The following ASXL3 variants were observed in gnomAD, a reference collection of about 807,000 sequenced individuals.
ASXL3 encodes ASXL transcriptional regulator 3, also known as putative Polycomb group protein ASXL3.
Under a neutral mutation model 170.6 loss-of-function variants are expected in ASXL3, and 34 were observed. That is an observed-to-expected ratio of 0.20 (90% CI 0.15 to 0.27). The LOEUF (loss-of-function observed/expected upper bound fraction) is 0.27, where lower values mean the gene tolerates loss of function less well. Among genes scored for constraint, ASXL3 ranks in the 10% least tolerant of loss-of-function variants. ASXL3 has a pLI of 1.00. For missense variants in ASXL3, 2,592 were observed against 2,695.3 expected (o/e 0.96, Z 0.85); for synonymous variants, 1,002 against 989.1 (o/e 1.01, Z -0.24).
At chr18:33,656,639 C>T (rs550603482) in intron 4 of ASXL3, among the ~76,000 whole-genome samples, 3 of 152,026 alleles carry the variant, frequency 2.0e-5, no homozygotes, top group Admixed American at 6.6e-5. Context: ...TGACTTTACT[C>T]GTTAAATAAG....
chr18:33,678,084 A>T (rs1404177965), intron 7 of ASXL3, among the ~76,000 whole-genome samples: 4 of 140,024 alleles, frequency 2.9e-5, no homozygotes, highest in African/African-American at 1.2e-4. Context: ...TTTATTATTT[A>T]TTTATTTATT....
chr18:33,631,528 A>G (rs1250607150), intron 2 of ASXL3, among the ~76,000 whole-genome samples: 2 of 152,106 alleles, frequency 1.3e-5, no homozygotes, highest in African/African-American at 2.4e-5. Context: ...TGAATTAATA[A>G]TGCCACTCTA....
chr18:33,749,907 A>G lies in ASXL3; in HGVS notation c.*3312A>G, dbSNP rs2067857699. The G allele has an allele frequency of 1.3e-5, 2 of 152,268 alleles. No individual in the cohort carries two copies. 9.4% of individuals were successfully genotyped at this position (152,268 alleles called of 1,614,324 possible). On this transcript the variant is annotated 3_prime_UTR_variant, in exon 12 of 12. Transcript: ENST00000269197. ...TGGTACATATGGTGCTTTATAATGCAGTCGAGAGTAAGAATACATGTTGCT... is the reference window on the plus strand; with the variant it reads ...TGGTACATATGGTGCTTTATAATGCGGTCGAGAGTAAGAATACATGTTGCT...
chr18:33,743,325 T>A lies in ASXL3; in HGVS notation c.3477T>A (p.Ile1159=). The A allele has an allele frequency of 6.2e-7, 1 of 1,613,918 alleles. No individual in the cohort carries two copies. The highest frequency in any genetic ancestry group is 8.5e-7 in the Non-Finnish European group (1 of 1,179,874). Residue 1159 remains isoleucine (I), a synonymous_variant, in exon 12 of 12, where the codon ATT becomes ATA. Transcript: ENST00000269197. The part of the protein sequence containing the change: ...ETKMEGSTGV[I]IVNPNCRSPS... ...AAATGGAAGGTTCGACTGGTGTCAT[T>A]ATTGTCAATCCAAACTGTAGATCTC...
intron 5 of ASXL3, among the ~76,000 whole-genome samples, chr18:33,662,347 G>C (rs951815097): frequency 1.3e-5 from 2 of 152,094 alleles, no homozygotes; most frequent in Non-Finnish European, 2.9e-5. Flanking sequence ...TTGAATTCTT[G>C]CTACTCACCT....
chr18:33,644,869 AT>A, intron 2 of ASXL3, 24 bp from the exon 3 acceptor site: 1 of 1,475,936 alleles, frequency 6.8e-7, no homozygotes, highest in Admixed American at 2.0e-5. Flanking sequence ...AGACTGCTTC[AT>A]TTTTGCACAC....
chr18:33,669,244 T>A (rs920013515), intron 5 of ASXL3, among the ~76,000 whole-genome samples: 18 of 152,214 alleles, frequency 1.2e-4, no homozygotes, highest in Admixed American at 1.2e-3. Flanking sequence ...AAATATTTTA[T>A]AACACATATG....
chr18:33,675,915 T>C (rs1384799592), intron 7 of ASXL3, among the ~76,000 whole-genome samples: 1 of 151,630 alleles, frequency 6.6e-6, no homozygotes, highest in Non-Finnish European at 1.5e-5. Context: ...AATGTTAAGT[T>C]GAAAATAAAA....
chr18:33,745,911 G>A lies in ASXL3; in HGVS notation c.6063G>A (p.Pro2021=), dbSNP rs373180997. 36 of 1,585,582 alleles carry A rather than the reference G, an allele frequency of 2.3e-5. No homozygotes were observed. Among genetic ancestry groups the A allele is most frequent in the Middle Eastern group, 2.1e-4 (1 of 4,778 alleles). The change falls in exon 12 of 12, where the codon CCG becomes CCA. Residue 2021 remains proline (P), a synonymous_variant. Transcript: ENST00000269197. ...NKALVHPPPP[P]PPPPPPPLAL... ...CACTAGTACATCCGCCGCCGCCACC[G>A]CCTCCCCCTCCCCCTCCACCCTTGG... is the stretch of plus-strand genomic sequence containing the variant.
chr18:33,667,273 A>G (rs890432034), intron 5 of ASXL3, among the ~76,000 whole-genome samples: 1 of 152,132 alleles, frequency 6.6e-6, no homozygotes, highest in African/African-American at 2.4e-5. Context: ...GGGATCTCAG[A>G]AAAAAAGAAA....
Position 33,745,905 on chromosome 18 carries a change from G to A in ASXL3, c.6057G>A (p.Pro2019=), listed in dbSNP as rs375984092. Residue 2019 remains proline, a synonymous_variant, in exon 12 of 12, where the codon CCG becomes CCA. Coordinates refer to ENST00000269197, the MANE Select transcript of ASXL3 (RefSeq NM_030632.3). The part of the protein sequence containing the change: ...MPNKALVHPP[P]PPPPPPPPPL... Reference sequence around the variant, plus strand: ...ACAAAGCACTAGTACATCCGCCGCCGCCACCGCCTCCCCCTCCCCCTCCAC... The same window carrying A: ...ACAAAGCACTAGTACATCCGCCGCCACCACCGCCTCCCCCTCCCCCTCCAC... 2.3e-5 allele frequency: 37 copies of A among 1,606,720 alleles called. No homozygotes were observed. In the East Asian group the frequency reaches 5.4e-4, roughly 23 times the overall value.
chr18:33,613,388 T>A (rs2065368852), intron 2 of ASXL3, among the ~76,000 whole-genome samples: 1 of 152,090 alleles, frequency 6.6e-6, no homozygotes. Flanking sequence ...ATTTTTTTCC[T>A]CAAAACCGAC....
chr18:33,735,897 A>G (rs1449199993), intron 10 of ASXL3, among the ~76,000 whole-genome samples: 4 of 152,148 alleles, frequency 2.6e-5, no homozygotes, highest in Non-Finnish European at 5.9e-5. Flanking sequence ...CTCTGCTCCC[A>G]GAGAGCCTCA....
chr18:33,734,840 CT>C (rs1340992300), intron 10 of ASXL3, among the ~76,000 whole-genome samples: 3 of 152,218 alleles, frequency 2.0e-5, no homozygotes, highest in African/African-American at 7.2e-5. Context: ...TTTAGTCCTT[CT>C]TTTGGGGAGA....
In ASXL3 at chr18:33,748,119, TG is replaced by T. The variant is rs11310652; in HGVS notation, c.*1532del. Reference sequence around the variant, plus strand: ...GGCTGTAGAATTTAAAAAGCAAACATGGGGGGGGTGGGGAATCATCTGTATC... The same window carrying T: ...GGCTGTAGAATTTAAAAAGCAAACATGGGGGGGTGGGGAATCATCTGTATC... On this transcript the variant is annotated 3_prime_UTR_variant, in exon 12 of 12. Transcript: ENST00000269197. 0.6 allele frequency: 90,576 copies of T among 150,516 alleles called. 28,175 individuals carry two copies. Among genetic ancestry groups the T allele is most frequent in the East Asian group, 0.88 (4,526 of 5,116 alleles). 9.3% of individuals were successfully genotyped at this position (150,516 alleles called of 1,614,324 possible). A position where few individuals can be genotyped will look rare whatever the true frequency, so the allele number is the denominator to read the frequency against.
intron 8 of ASXL3, among the ~76,000 whole-genome samples, chr18:33,722,982 A>G (rs1379119488): frequency 6.6e-6 from 1 of 152,156 alleles, no homozygotes; most frequent in African/African-American, 2.4e-5. Flanking sequence ...GTGACAGCAC[A>G]TCTGTTTACA....
chr18:33,578,551 G>C lies in ASXL3; in HGVS notation c.-81G>C, dbSNP rs1490888616. The C allele has an allele frequency of 2.3e-6, 2 of 885,320 alleles. No homozygotes were observed. Among genetic ancestry groups the C allele is most frequent in the East Asian group, 6.7e-5 (1 of 14,952 alleles). 54.8% of individuals were successfully genotyped at this position (885,320 alleles called of 1,614,324 possible). A position where few individuals can be genotyped will look rare whatever the true frequency, so the allele number is the denominator to read the frequency against. ...GCGAGTGCGGGTCACCGGGTCACTGGGTCATTGTCTCCGCGCCCGAACCCC... is the reference window on the plus strand; with the variant it reads ...GCGAGTGCGGGTCACCGGGTCACTGCGTCATTGTCTCCGCGCCCGAACCCC... On this transcript the variant is annotated 5_prime_UTR_variant, in exon 1 of 12. Coordinates refer to ENST00000269197, the MANE Select transcript of ASXL3 (RefSeq NM_030632.3).
intron 4 of ASXL3, among the ~76,000 whole-genome samples, chr18:33,659,991 C>G (rs1301128634): frequency 1.3e-5 from 2 of 152,030 alleles, no homozygotes; most frequent in Non-Finnish European, 2.9e-5. Context: ...CAGTATCATG[C>G]AACTAAATTA....
rs1422546101 is a variant in ASXL3 at position 33,744,958 on chromosome 18, C to G, written c.5110C>G (p.Gln1704Glu). 4.3e-6 allele frequency: 7 copies of G among 1,613,876 alleles called. No homozygotes were observed. Among genetic ancestry groups the G allele is most frequent in the Non-Finnish European group, 5.9e-6 (7 of 1,179,908 alleles). ...PAAEGASSVQ[Q>E]TQNMKASTSS... The stretch of plus-strand genomic sequence containing the variant: ...TGCAGAGGGAGCCTCTAGTGTACAA[C>G]AAACACAGAACATGAAAGCTTCCAC... The change falls in exon 12 of 12, where the codon CAA becomes GAA. Residue 1704 changes from glutamine (Q) to glutamate (E), a missense_variant. This residue lies in a region of ASXL3 where 2,246 missense variants were observed against 2,219.6 expected (regional missense o/e 1.01). Coordinates refer to ENST00000269197, the MANE Select transcript of ASXL3 (RefSeq NM_030632.3).
Sources: gnomAD v4.1 joint callset for allele counts (sites outside exome capture counted in the v4.1 genomes callset) on GRCh38, gnomAD v4.1.1 for gene constraint, gnomAD v4.1.1 regional missense constraint, MANE v1.5 for transcripts, NCBI Gene and HGNC (gene_info 2026-07-23, HGNC 2026-07-21) for gene names.